The following VAV2 variants were observed in gnomAD, a reference collection of about 807,000 sequenced individuals.
VAV2 encodes the protein vav guanine nucleotide exchange factor 2.
VAV2 carries 67 observed loss-of-function variants against 132.5 expected under a neutral mutation model. The observed-to-expected ratio is 0.51, with a 90% CI of 0.42 to 0.62. VAV2 has a LOEUF of 0.62. VAV2 is among the 20% of genes least tolerant of loss of function. VAV2 has a pLI of 0.00. For missense variants in VAV2, 938 were observed against 1,153.6 expected (o/e 0.81, Z 2.71); for synonymous variants, 492 against 443.5 (o/e 1.11, Z -1.37).
intron 2 of VAV2, among the ~76,000 whole-genome samples, chr9:133,861,831 T>C (rs1837608916): frequency 6.6e-6 from 1 of 152,318 alleles, no homozygotes; most frequent in East Asian, 1.9e-4. Context: ...GTGTTCACAG[T>C]AGGTGCCAAC....
intron 2 of VAV2, among the ~76,000 whole-genome samples, chr9:133,894,863 G>T (rs932016969): frequency 5.9e-5 from 9 of 152,110 alleles, no homozygotes; most frequent in Non-Finnish European, 1.3e-4. Context: ...CCTAGGCAGG[G>T]TCCAGAGCTG....
chr9:133,922,969 C>T (rs1004895939), intron 2 of VAV2, among the ~76,000 whole-genome samples: 2 of 152,152 alleles, frequency 1.3e-5, no homozygotes, highest in Non-Finnish European at 2.9e-5. Flanking sequence ...GGGTTAATAT[C>T]CACAATATGT....
At chr9:133,972,465 G>A (rs1007525874) in intron 1 of VAV2, among the ~76,000 whole-genome samples, 4 of 143,938 alleles carry the variant, frequency 2.8e-5, no homozygotes, top group South Asian at 2.3e-4. Flanking sequence ...AGAAAGCAGC[G>A]GAGAGCCCAT....
chr9:133,931,735 G>T (rs926399136), intron 2 of VAV2, among the ~76,000 whole-genome samples: 4 of 152,202 alleles, frequency 2.6e-5, no homozygotes, highest in Non-Finnish European at 5.9e-5. Context: ...CGGGACCACT[G>T]TCCTCACGTC....
chr9:133,956,091 C>A (rs1264358316), intron 1 of VAV2, among the ~76,000 whole-genome samples: 1 of 151,996 alleles, frequency 6.6e-6, no homozygotes, highest in African/African-American at 2.4e-5. Context: ...CTGGACAAGT[C>A]GCTGACCCTC....
intron 2 of VAV2, among the ~76,000 whole-genome samples, chr9:133,876,390 G>A (rs1838264087): frequency 6.6e-6 from 1 of 152,244 alleles, no homozygotes; most frequent in Non-Finnish European, 1.5e-5. Flanking sequence ...GCAAGGGACG[G>A]GGTGGGTGTG....
chr9:133,895,853 C>T (rs1392953963), intron 2 of VAV2, among the ~76,000 whole-genome samples: 1 of 152,012 alleles, frequency 6.6e-6, no homozygotes, highest in African/African-American at 2.4e-5. Flanking sequence ...GCTTTCTACA[C>T]ACTGGCAAAA....
intron 4 of VAV2, among the ~76,000 whole-genome samples, chr9:133,817,992 C>T (rs1188494559): frequency 2.6e-5 from 4 of 152,124 alleles, no homozygotes; most frequent in Non-Finnish European, 5.9e-5. Context: ...ACATTTGAAT[C>T]AGAAGACCAA....
intron 4 of VAV2, among the ~76,000 whole-genome samples, chr9:133,830,607 A>C (rs2131768062): frequency 6.6e-6 from 1 of 152,206 alleles, no homozygotes; most frequent in East Asian, 1.9e-4. Context: ...GAACTGAGTC[A>C]ACTAAACCTC....
At chr9:133,850,158 G>A (rs544313521) in intron 3 of VAV2, among the ~76,000 whole-genome samples, 13 of 152,210 alleles carry the variant, frequency 8.5e-5, no homozygotes, top group Non-Finnish European at 1.8e-4. Flanking sequence ...ATTTGTAGAT[G>A]AGGGAACAAG....
Position 133,833,067 on chromosome 9 carries a change from C to T in VAV2, c.449+1205G>A, listed in dbSNP as rs1015966767. On this transcript the variant is annotated intron_variant, in intron 4 of 29. Transcript: ENST00000371850. This position sits in a 1 kb window ranked among gnomAD's most constrained non-coding sequence, Gnocchi z 5.6. ...GGCCAGTGGGATTTGCCAAGGACCCCGTGGCCAGCCCAGCATCAAAGGGAT... is the reference window on the plus strand; with the variant it reads ...GGCCAGTGGGATTTGCCAAGGACCCTGTGGCCAGCCCAGCATCAAAGGGAT... Among the ~76,000 whole-genome samples, 4 of 152,142 alleles carry T rather than the reference C, an allele frequency of 2.6e-5. No homozygotes were observed. Among genetic ancestry groups the T allele is most frequent in the South Asian group, 2.1e-4 (1 of 4,822 alleles).
intron 3 of VAV2, among the ~76,000 whole-genome samples, chr9:133,837,355 A>G (rs1836510718): frequency 6.6e-6 from 1 of 152,218 alleles, no homozygotes; most frequent in Non-Finnish European, 1.5e-5. Flanking sequence ...TTGTTTCCTA[A>G]CACAGAAAGT....
chr9:133,807,112 G>T, intron 8 of VAV2, 146 bp downstream of exon 8: 2 of 880,236 alleles, frequency 2.3e-6, no homozygotes, highest in Non-Finnish European at 1.7e-6. Context: ...AGAGAGCGGT[G>T]GGGGCTCCTC....
At chr9:133,803,251 G>A (rs761193580) in intron 9 of VAV2, among the ~76,000 whole-genome samples, 9 of 152,170 alleles carry the variant, frequency 5.9e-5, no homozygotes, top group African/African-American at 1.7e-4. Context: ...GTTCTGTTCT[G>A]CATTCCTCCC....
intron 2 of VAV2, among the ~76,000 whole-genome samples, chr9:133,871,671 C>T (rs1838060990): frequency 6.6e-6 from 1 of 152,120 alleles, no homozygotes; most frequent in South Asian, 2.1e-4. Flanking sequence ...GTACAAATGT[C>T]CTCCCTAATG....
intron 1 of VAV2, among the ~76,000 whole-genome samples, chr9:133,956,700 G>A (rs1841792568): frequency 6.6e-6 from 1 of 152,206 alleles, no homozygotes; most frequent in Non-Finnish European, 1.5e-5. Flanking sequence ...AGAGCACCAG[G>A]GGGCGAGGGA....
chr9:133,893,149 C>T (rs938629874), intron 2 of VAV2, among the ~76,000 whole-genome samples: 3 of 152,204 alleles, frequency 2.0e-5, no homozygotes, highest in Admixed American at 6.5e-5. Context: ...GCCTGAGTCC[C>T]ACCTCCCGCG....
chr9:133,896,340 G>A (rs915730866), intron 2 of VAV2, among the ~76,000 whole-genome samples: 1 of 152,140 alleles, frequency 6.6e-6, no homozygotes, highest in African/African-American at 2.4e-5. Context: ...TGTAATCCCA[G>A]CTACTCAGGA....
chr9:133,780,723 C>G lies in VAV2; in HGVS notation c.1724-13G>C, dbSNP rs1833977927. 1.6e-6 allele frequency: 2 copies of G among 1,275,304 alleles called. No individual in the cohort carries two copies. The highest frequency in any genetic ancestry group is 2.0e-6 in the Non-Finnish European group (2 of 1,002,630). The allele number at this position is 1,275,304 out of a possible 1,614,324, so 79.0% of individuals were successfully genotyped here. A position where few individuals can be genotyped will look rare whatever the true frequency, so the allele number is the denominator to read the frequency against. On this transcript the variant is annotated splice_polypyrimidine_tract_variant and intron_variant, in intron 19 of 29. Coordinates refer to ENST00000371850, the MANE Select transcript of VAV2 (RefSeq NM_001134398.2). ...TCTGCAGGAGAAGCTGGAAAGGAAGCAGGTCAGGTGTTAGAGGGGAGGCCA... is the reference window on the plus strand; with the variant it reads ...TCTGCAGGAGAAGCTGGAAAGGAAGGAGGTCAGGTGTTAGAGGGGAGGCCA...
Sources: allele counts gnomAD v4.1 joint callset (sites outside exome capture counted in the v4.1 genomes callset), GRCh38; gene constraint gnomAD v4.1.1; non-coding constraint Gnocchi (gnomAD v3.1); transcripts MANE v1.5; gene names NCBI Gene and HGNC (gene_info 2026-07-23, HGNC 2026-07-21).